TEX11: variants seen among roughly 807,000 people sequenced by gnomAD.
The protein encoded by TEX11 is testis-expressed protein 11.
In TEX11, 7 loss-of-function variants were observed where a neutral mutation model predicts 84.4. That is an observed-to-expected ratio of 0.08 (90% confidence interval 0.05 to 0.16). The LOEUF is 0.16. TEX11 is among the 10% of genes least tolerant of loss of function. The pLI is 1.00. For synonymous variants in TEX11, 264 were observed against 222.8 expected (o/e 1.18, Z -1.64); for missense variants, 551 against 660.5 (o/e 0.83, Z 1.82).
chrX:70,650,987 CT>C (rs1385771514), intron 17 of TEX11, among the ~76,000 whole-genome samples: 2 of 111,872 alleles, frequency 1.8e-5, no homozygotes, highest in Admixed American at 1.9e-4. Context: ...ACTGTCTACT[CT>C]GTGGAGAGAA....
intron 20 of TEX11, among the ~76,000 whole-genome samples, chrX:70,621,705 T>A (rs1015940674): frequency 9.6e-6 from 1 of 104,250 alleles, no homozygotes; most frequent in Non-Finnish European, 2.0e-5. Context: ...TAGAACATAC[T>A]ATAAGACTGG....
rs770791194 is a variant in TEX11, at chrX:70,694,714, CTG to C, written c.1005-11891_1005-11890del. Among the ~76,000 whole-genome samples, 6 of 112,165 alleles carry C rather than the reference CTG, an allele frequency of 5.3e-5. No homozygotes were observed. The South Asian group carries it at 1.8e-3, about 35-fold the overall frequency. ...TGTTGCTGTAACAGAATACCTAAGACTGTGTAATTTATAAAGAAAAGTTTATT... is the reference window on the plus strand; with the variant it reads ...TGTTGCTGTAACAGAATACCTAAGACTGTAATTTATAAAGAAAAGTTTATT... On this transcript the variant is annotated intron_variant, in intron 13 of 29. Transcript: ENST00000374333.
chrX:70,636,980 G>A (rs1401341013), intron 17 of TEX11, among the ~76,000 whole-genome samples: 1 of 111,582 alleles, frequency 9.0e-6, no homozygotes, highest in East Asian at 2.8e-4. Flanking sequence ...ATTATAGAAT[G>A]GGAGAAAATT....
At chrX:70,580,991 T>TTTTTGTTTTTGTTTTG (rs2088765701) in intron 25 of TEX11, among the ~76,000 whole-genome samples, 1 of 111,365 alleles carries the variant, frequency 9.0e-6, no homozygotes, top group Non-Finnish European at 1.9e-5. Flanking sequence ...CAGTTTTTTG[T>TTTTTGTTTTTGTTTTG]TTTTGTTTTT....
chrX:70,724,275 G>A (rs961277191), intron 12 of TEX11: 4 of 691,796 alleles, frequency 5.8e-6, no homozygotes, highest in Non-Finnish European at 6.8e-6. Flanking sequence ...TTCAATCTGT[G>A]TATGCTGAGG....
intron 3 of TEX11, among the ~76,000 whole-genome samples, chrX:70,877,178 C>T (rs1450674803): frequency 9.1e-6 from 1 of 110,103 alleles, no homozygotes; most frequent in African/African-American, 3.3e-5. Flanking sequence ...CCTGTAATCC[C>T]AGCTACTTGG....
At chrX:70,753,285 C>T (rs1469089701) in intron 9 of TEX11, among the ~76,000 whole-genome samples, 1 of 110,810 alleles carries the variant, frequency 9.0e-6, no homozygotes, top group Non-Finnish European at 1.9e-5. Flanking sequence ...GATATCACCT[C>T]TCTCCTAACC....
intron 25 of TEX11, among the ~76,000 whole-genome samples, chrX:70,587,548 T>C (rs1388695220): frequency 8.9e-6 from 1 of 112,668 alleles, no homozygotes; most frequent in Non-Finnish European, 1.9e-5. Flanking sequence ...GTTTGGGAAC[T>C]TCTACCTAGA....
chrX:70,865,315 A>G (rs1352126105), intron 4 of TEX11, among the ~76,000 whole-genome samples: 2 of 112,090 alleles, frequency 1.8e-5, no homozygotes, highest in African/African-American at 6.5e-5. Context: ...ACATAATGGT[A>G]AAGGGATCAA....
intron 5 of TEX11, among the ~76,000 whole-genome samples, chrX:70,855,658 G>GT (rs1249600081): frequency 1.8e-5 from 2 of 111,252 alleles, no homozygotes; most frequent in Non-Finnish European, 3.8e-5. Context: ...ACCTCAGAAT[G>GT]TAACTGTATT....
At chrX:70,644,476 C>T (rs1264689008) in intron 17 of TEX11, among the ~76,000 whole-genome samples, 20 of 107,962 alleles carry the variant, frequency 1.9e-4, no homozygotes, top group South Asian at 8.5e-4. Flanking sequence ...TGCACACGTA[C>T]GTTTATTGCG....
At position 70,553,880 on chromosome X, in the gene TEX11, A is replaced by G. The variant is rs182440120; in HGVS notation, c.2291-466T>C. Among the ~76,000 whole-genome samples, 4 of 111,832 alleles carry G rather than the reference A, an allele frequency of 3.6e-5. No homozygotes were observed. In the Admixed American group the frequency reaches 3.8e-4, roughly 11 times the overall value. Reference sequence around the variant, plus strand: ...AGGTAACTAACCCTAAGACTTCCAGATGCATTTAACAGATTTTTAGAATTG... The same window carrying G: ...AGGTAACTAACCCTAAGACTTCCAGGTGCATTTAACAGATTTTTAGAATTG... On this transcript the variant is annotated intron_variant, in intron 26 of 29. Coordinates refer to ENST00000374333, the MANE Select transcript of TEX11 (RefSeq NM_031276.3).
intron 7 of TEX11, among the ~76,000 whole-genome samples, chrX:70,841,381 C>T (rs994376603): frequency 3.6e-5 from 4 of 111,358 alleles, no homozygotes; most frequent in African/African-American, 1.3e-4. Flanking sequence ...TGAATGACTA[C>T]TCGGTACATA....
chrX:70,555,863 G>A, intron 25 of TEX11, among the ~76,000 whole-genome samples: 1 of 112,063 alleles, frequency 8.9e-6, no homozygotes, highest in Non-Finnish European at 1.9e-5. Context: ...AGCTTTGGTA[G>A]TTTGTGACTT....
intron 3 of TEX11, among the ~76,000 whole-genome samples, chrX:70,878,758 G>A (rs1258116838): frequency 9.2e-6 from 1 of 109,080 alleles, no homozygotes; most frequent in African/African-American, 3.3e-5. Flanking sequence ...ATAGCCAAAA[G>A]GTGGAAGCAA....
At chrX:70,671,230 T>C (rs1410220075) in intron 15 of TEX11, among the ~76,000 whole-genome samples, 1 of 111,645 alleles carries the variant, frequency 9.0e-6, no homozygotes, top group Non-Finnish European at 1.9e-5. Context: ...ATAACCTGGA[T>C]AATTATTTCT....
intron 9 of TEX11, among the ~76,000 whole-genome samples, chrX:70,767,682 G>A (rs768363410): frequency 2.0e-4 from 22 of 111,902 alleles, no homozygotes; most frequent in African/African-American, 7.1e-4. Context: ...TCCTATGTTT[G>A]TTGCAGCACT....
intron 7 of TEX11, among the ~76,000 whole-genome samples, chrX:70,845,405 G>A (rs187234886): frequency 9.1e-6 from 1 of 110,087 alleles, no homozygotes; most frequent in East Asian, 2.9e-4. Context: ...CAGGCGATCC[G>A]CCCGCCTCGG....
intron 28 of TEX11, among the ~76,000 whole-genome samples, chrX:70,542,300 A>G (rs925505670): frequency 9.9e-5 from 11 of 111,281 alleles, no homozygotes; most frequent in Admixed American, 4.8e-4. Context: ...ATGGGGAAGC[A>G]GACCCTCACT....
Sources: allele counts gnomAD v4.1 joint callset (sites outside exome capture counted in the v4.1 genomes callset), GRCh38; gene constraint gnomAD v4.1.1; transcripts MANE v1.5; gene names NCBI Gene and HGNC (gene_info 2026-07-23, HGNC 2026-07-21).